Variants in NEDD4L observed in about 807,000 individuals in gnomAD.
The protein encoded by NEDD4L is E3 ubiquitin-protein ligase NEDD4-like.
In NEDD4L, 54 loss-of-function variants were observed where a neutral mutation model predicts 148.9. The observed-to-expected ratio is 0.36, with a 90% CI of 0.29 to 0.45. The LOEUF (loss-of-function observed/expected upper bound fraction) is 0.45. Among genes scored for constraint, NEDD4L ranks in the 20% least tolerant of loss-of-function variants. NEDD4L has a pLI of 1.00. For synonymous variants in NEDD4L, 433 were observed against 440.7 expected (o/e 0.98, Z 0.22); for missense variants, 856 against 1,233.8 (o/e 0.69, Z 4.59).
intron 5 of NEDD4L, among the ~76,000 whole-genome samples, chr18:58,288,059 C>G (rs944108428): frequency 3.3e-5 from 5 of 152,194 alleles, no homozygotes; most frequent in African/African-American, 4.8e-5. Flanking sequence ...TCATGCCTGA[C>G]TAATTTGCCC....
chr18:58,304,732 A>G (rs149295409), intron 5 of NEDD4L, among the ~76,000 whole-genome samples: 21 of 152,342 alleles, frequency 1.4e-4, no homozygotes, highest in African/African-American at 4.8e-4. Context: ...CAAACCCATT[A>G]TGTAGTTAGC....
intron 2 of NEDD4L, among the ~76,000 whole-genome samples, chr18:58,216,102 C>T (rs538762341): frequency 1.3e-5 from 2 of 152,052 alleles, no homozygotes; most frequent in Admixed American, 6.5e-5. Context: ...GCTTTCCTAA[C>T]GTGTGGTACT....
At chr18:58,175,176 A>T (rs898433385) in intron 2 of NEDD4L, among the ~76,000 whole-genome samples, 8 of 152,218 alleles carry the variant, frequency 5.3e-5, no homozygotes, top group African/African-American at 1.9e-4. Flanking sequence ...ATACAAATCG[A>T]GATTTCCAGG....
intron 1 of NEDD4L, among the ~76,000 whole-genome samples, chr18:58,135,940 T>C (rs528652878): frequency 1.1e-3 from 170 of 152,352 alleles, no homozygotes; most frequent in African/African-American, 3.6e-3. Flanking sequence ...ATACCCCTTG[T>C]GTGGTTGGCC....
chr18:58,087,780 A>G (rs2083838646), intron 1 of NEDD4L, among the ~76,000 whole-genome samples: 1 of 152,358 alleles, frequency 6.6e-6, no homozygotes, highest in African/African-American at 2.4e-5. Context: ...AGGCTGAGGC[A>G]GGAGAATCTC....
At chr18:58,172,224 A>G (rs1166036931) in intron 2 of NEDD4L, among the ~76,000 whole-genome samples, 1 of 152,220 alleles carries the variant, frequency 6.6e-6, no homozygotes, top group Non-Finnish European at 1.5e-5. Flanking sequence ...AGCCGCCGAC[A>G]GGGTCAGGAA....
chr18:58,049,842 C>T (rs957482815), intron 1 of NEDD4L, among the ~76,000 whole-genome samples: 1 of 151,454 alleles, frequency 6.6e-6, no homozygotes, highest in Non-Finnish European at 1.5e-5. Context: ...CCAAACATGG[C>T]GGCACGTGCC....
At chr18:58,096,386 ATTTTATTT>A (rs1568210512) in intron 1 of NEDD4L, among the ~76,000 whole-genome samples, 1 of 138,468 alleles carries the variant, frequency 7.2e-6, no homozygotes, top group African/African-American at 2.8e-5. Flanking sequence ...ATTTTATTTT[ATTTTATTT>A]TATTTTATTT....
At chr18:58,145,923 T>C (rs1228868615) in intron 1 of NEDD4L, among the ~76,000 whole-genome samples, 1 of 152,138 alleles carries the variant, frequency 6.6e-6, no homozygotes, top group African/African-American at 2.4e-5. Flanking sequence ...CATTTATTAG[T>C]GAGCTTGAGG....
intron 5 of NEDD4L, among the ~76,000 whole-genome samples, chr18:58,282,784 T>C (rs1420926218): frequency 6.6e-6 from 1 of 152,148 alleles, no homozygotes; most frequent in African/African-American, 2.4e-5. Context: ...CCTAAGGAAA[T>C]ATAGAGAACA....
intron 1 of NEDD4L, among the ~76,000 whole-genome samples, chr18:58,144,662 A>T (rs935890706): frequency 2.0e-5 from 3 of 152,124 alleles, no homozygotes; most frequent in Non-Finnish European, 2.9e-5. Flanking sequence ...GAAAAAAAAA[A>T]CAAACAAACC....
At chr18:58,079,799 AC>A (rs1264409762) in intron 1 of NEDD4L, among the ~76,000 whole-genome samples, 1 of 152,094 alleles carries the variant, frequency 6.6e-6, no homozygotes, top group East Asian at 1.9e-4. Context: ...GAGCATGGGA[AC>A]TCTGTACGGA....
chr18:58,099,205 GT>G (rs970382075), intron 1 of NEDD4L, among the ~76,000 whole-genome samples: 4 of 151,152 alleles, frequency 2.6e-5, no homozygotes, highest in African/African-American at 7.4e-5. Context: ...TTGGAGACAA[GT>G]TTTTTTCTCT....
At chr18:58,114,347 A>AATAT (rs919315311) in intron 1 of NEDD4L, among the ~76,000 whole-genome samples, 1 of 144,642 alleles carries the variant, frequency 6.9e-6, no homozygotes, top group African/African-American at 2.6e-5. Flanking sequence ...ATTTAAAAAA[A>AATAT]ATATATATAT....
At chr18:58,278,850 T>C (rs2052560318) in intron 5 of NEDD4L, among the ~76,000 whole-genome samples, 1 of 152,208 alleles carries the variant, frequency 6.6e-6, no homozygotes, top group African/African-American at 2.4e-5. Context: ...GTTATATATT[T>C]GACTGATTAT....
intron 26 of NEDD4L, among the ~76,000 whole-genome samples, 175 bp from the exon 27 acceptor site, chr18:58,387,264 A>G (rs1390691575): frequency 1.3e-5 from 2 of 152,198 alleles, no homozygotes; most frequent in East Asian, 1.9e-4. Context: ...AAACTGTTAT[A>G]TTGTGACTGT....
Position 58,163,180 on chromosome 18 carries a change from T to C in NEDD4L, c.49-2608T>C, listed in dbSNP as rs775004230. On this transcript the variant is annotated intron_variant, in intron 1 of 30. Coordinates refer to ENST00000400345, the MANE Select transcript of NEDD4L (RefSeq NM_001144967.3). ...GCAGCCTTGAGCTCCTGGACTCAAG[T>C]GATCCTCCTGCTTCAGCACCTCCCC... 7.0e-4 allele frequency among the ~76,000 whole-genome samples: 107 copies of C among 152,166 alleles called. 2 individuals are homozygous for C. The highest frequency in any genetic ancestry group is 3.5e-4 in the Non-Finnish European group (24 of 68,030).
At chr18:58,132,149 A>C (rs1023503028) in intron 1 of NEDD4L, among the ~76,000 whole-genome samples, 10 of 152,228 alleles carry the variant, frequency 6.6e-5, no homozygotes, top group Admixed American at 1.3e-4. Flanking sequence ...TTGAGTTTTT[A>C]ATTTCCATTA....
chr18:58,320,446 C>T (rs1054605961), intron 6 of NEDD4L, among the ~76,000 whole-genome samples: 1 of 152,182 alleles, frequency 6.6e-6, no homozygotes, highest in African/African-American at 2.4e-5. Context: ...TGGCTCTTCC[C>T]TTGTAATTGT....
Sources: gnomAD v4.1 joint callset for allele counts (sites outside exome capture counted in the v4.1 genomes callset) on GRCh38, gnomAD v4.1.1 for gene constraint, MANE v1.5 for transcripts, NCBI Gene and HGNC (gene_info 2026-07-23, HGNC 2026-07-21) for gene names.